The following CNBD1 variants were observed in gnomAD, a reference collection of about 807,000 sequenced individuals.
CNBD1 encodes cyclic nucleotide binding domain containing 1.
Under a neutral mutation model 54.4 loss-of-function variants are expected in CNBD1, and 71 were observed. That is an observed-to-expected ratio of 1.30 (90% CI 1.08 to 1.59). CNBD1 has a LOEUF of 1.59. CNBD1 is among the 40% of genes most tolerant of loss of function. CNBD1 has a pLI of 0.00. For synonymous variants in CNBD1, 182 were observed against 170.7 expected (o/e 1.07, Z -0.51); for missense variants, 659 against 518.0 (o/e 1.27, Z -2.64).
Position 87,085,633 on chromosome 8 carries a change from C to T in CNBD1, c.432-120360C>T, listed in dbSNP as rs137974490. ...TGGCAGCTGAGTAGCAAGTTTTCCT[C>T]AATATTCCTCTTACAACCTCAGCTT... On this transcript the variant is annotated intron_variant, in intron 4 of 10. Coordinates refer to ENST00000518476, the MANE Select transcript of CNBD1 (RefSeq NM_173538.3). 6.6e-5 allele frequency among the ~76,000 whole-genome samples: 10 copies of T among 152,282 alleles called. 1 individual carries two copies. The highest frequency in any genetic ancestry group is 2.2e-4 in the African/African-American group (9 of 41,564).
intron 8 of CNBD1, among the ~76,000 whole-genome samples, chr8:87,288,385 AAATAT>A (rs1309579318): frequency 3.9e-5 from 6 of 152,060 alleles, no homozygotes; most frequent in African/African-American, 1.4e-4. Flanking sequence ...CTTTTAATAA[AAATAT>A]AATATCCAAT....
At chr8:87,273,531 T>C (rs1368727760) in intron 6 of CNBD1, among the ~76,000 whole-genome samples, 9 of 152,004 alleles carry the variant, frequency 5.9e-5, no homozygotes. Flanking sequence ...TTCATGGTTA[T>C]CAGCCAAACT....
chr8:87,286,537 A>AG lies in CNBD1; in HGVS notation c.910dup. ...AAATTTGATAATGACATTCTGTTTT[A>AG]GGAAAAAATAAAACTTGAAAATATG... is the stretch of plus-strand genomic sequence containing the variant. On this transcript the variant is annotated splice_acceptor_variant, in intron 7 of 10. Coordinates refer to ENST00000518476, the MANE Select transcript of CNBD1 (RefSeq NM_173538.3). LOFTEE classifies it high-confidence loss of function. The AG allele has an allele frequency of 7.1e-7, 1 of 1,399,896 alleles. No homozygotes were observed. Among genetic ancestry groups the AG allele is most frequent in the Non-Finnish European group, 9.8e-7 (1 of 1,016,068 alleles). The allele number at this position is 1,399,896 out of a possible 1,614,324, so 86.7% of individuals were successfully genotyped here.
chr8:86,994,740 G>A (rs570007570), intron 4 of CNBD1, among the ~76,000 whole-genome samples: 2 of 151,688 alleles, frequency 1.3e-5, no homozygotes, highest in Non-Finnish European at 2.9e-5. Flanking sequence ...TGTGTGTGTC[G>A]CTTCTCCGTC....
At chr8:87,087,734 G>C (rs1020917871) in intron 4 of CNBD1, among the ~76,000 whole-genome samples, 1 of 152,078 alleles carries the variant, frequency 6.6e-6, no homozygotes, top group African/African-American at 2.4e-5. Context: ...CCAAAGTGCT[G>C]GGATTACAGG....
At chr8:87,211,751 C>T (rs1814103489) in intron 5 of CNBD1, among the ~76,000 whole-genome samples, 1 of 152,174 alleles carries the variant, frequency 6.6e-6, no homozygotes, top group Non-Finnish European at 1.5e-5. Flanking sequence ...ATGCAGCCTG[C>T]AGAGCCATGA....
chr8:87,360,259 T>C (rs1810499894), intron 10 of CNBD1, among the ~76,000 whole-genome samples: 1 of 151,980 alleles, frequency 6.6e-6, no homozygotes, highest in Non-Finnish European at 1.5e-5. Flanking sequence ...ATATATAAAA[T>C]ATAGTAAGAT....
chr8:87,373,112 A>G (rs1810852780), intron 10 of CNBD1, among the ~76,000 whole-genome samples: 1 of 151,826 alleles, frequency 6.6e-6, no homozygotes, highest in South Asian at 2.1e-4. Flanking sequence ...AAATAAAGGC[A>G]TAGTTTACAT....
At chr8:87,133,647 G>C (rs1812165883) in intron 4 of CNBD1, among the ~76,000 whole-genome samples, 2 of 151,262 alleles carry the variant, frequency 1.3e-5, no homozygotes, top group African/African-American at 4.9e-5. Context: ...CTGATTAATA[G>C]CCTGAAATAT....
At chr8:86,929,258 C>T (rs112802847) in intron 3 of CNBD1, among the ~76,000 whole-genome samples, 1 of 152,186 alleles carries the variant, frequency 6.6e-6, no homozygotes, top group South Asian at 2.1e-4. Context: ...AGGTAAGGAA[C>T]TCCCTTTCTT....
intron 2 of CNBD1, among the ~76,000 whole-genome samples, chr8:87,396,663 G>A (rs1811412819): frequency 6.6e-6 from 1 of 151,144 alleles, no homozygotes; most frequent in Non-Finnish European, 1.5e-5. Context: ...GCTCTTATCT[G>A]TTTTCATTGA....
intron 3 of CNBD1, among the ~76,000 whole-genome samples, chr8:86,928,071 G>A (rs909494020): frequency 6.6e-6 from 1 of 152,048 alleles, no homozygotes; most frequent in African/African-American, 2.4e-5. Flanking sequence ...TAGATGGGGA[G>A]GTAGAGGGAA....
chr8:87,376,614 A>G (rs529975394), intron 10 of CNBD1, among the ~76,000 whole-genome samples: 162 of 152,100 alleles, frequency 1.1e-3, no homozygotes, highest in Admixed American at 1.7e-3. Context: ...ATAGAGTTCT[A>G]TATTTGGGTA....
At chr8:86,874,896 A>G (rs1024925662) in intron 1 of CNBD1, among the ~76,000 whole-genome samples, 3 of 150,280 alleles carry the variant, frequency 2.0e-5, no homozygotes, top group Non-Finnish European at 4.4e-5. Flanking sequence ...TCTGTGCATC[A>G]TTGATCTTAG....
intron 3 of CNBD1, among the ~76,000 whole-genome samples, chr8:86,928,303 C>T (rs183325188): frequency 8.8e-4 from 134 of 152,238 alleles, no homozygotes; most frequent in Non-Finnish European, 1.4e-3. Flanking sequence ...AAGAGAATTT[C>T]GGATTCTCGA....
At chr8:87,414,118 A>G (rs1807797949) in intron 2 of CNBD1, among the ~76,000 whole-genome samples, 1 of 152,132 alleles carries the variant, frequency 6.6e-6, no homozygotes, top group Admixed American at 6.6e-5. Context: ...ACTTGGAACC[A>G]ACCCAAATGT....
chr8:87,113,930 A>C (rs533052449), intron 4 of CNBD1, among the ~76,000 whole-genome samples: 1 of 152,246 alleles, frequency 6.6e-6, no homozygotes, highest in African/African-American at 2.4e-5. Flanking sequence ...AAAAAAAAGA[A>C]AAGAAAGAAA....
intron 3 of CNBD1, among the ~76,000 whole-genome samples, chr8:86,931,977 G>T (rs1277141122): frequency 6.6e-6 from 1 of 152,146 alleles, no homozygotes; most frequent in Non-Finnish European, 1.5e-5. Context: ...TGAGACTCCA[G>T]TCTCCATGAT....
At chr8:87,135,931 A>G (rs1365230945) in intron 4 of CNBD1, among the ~76,000 whole-genome samples, 1 of 152,034 alleles carries the variant, frequency 6.6e-6, no homozygotes, top group Non-Finnish European at 1.5e-5. Context: ...CAATTAACTA[A>G]CAATCAATCA....
Sources: allele counts gnomAD v4.1 joint callset (sites outside exome capture counted in the v4.1 genomes callset), GRCh38; gene constraint gnomAD v4.1.1; transcripts MANE v1.5; gene names NCBI Gene and HGNC (gene_info 2026-07-23, HGNC 2026-07-21).